The following PBX1 variants were observed in gnomAD, a reference collection of about 807,000 sequenced individuals.
PBX1 encodes the protein PBX homeobox 1, also known as pre-B-cell leukemia transcription factor 1.
A neutral mutation model predicts 53.4 loss-of-function variants in PBX1; 6 were observed. That is an observed-to-expected ratio of 0.11 (90% CI 0.06 to 0.22). PBX1 has a LOEUF of 0.22. Among genes scored for constraint, PBX1 ranks in the 10% least tolerant of loss-of-function variants. PBX1 has a pLI of 1.00. For synonymous variants in PBX1, 204 were observed against 212.3 expected, an observed-to-expected ratio of 0.96 and a Z score of 0.34; for missense variants, 251 against 551.4, an observed-to-expected ratio of 0.46 and a Z score of 5.46.
At chr1:164,646,001 A>ATC (rs1301422863) in intron 2 of PBX1, among the ~76,000 whole-genome samples, 2 of 152,294 alleles carry the variant, frequency 1.3e-5, no homozygotes, top group African/African-American at 2.4e-5. Flanking sequence ...CAGTTATCTC[A>ATC]TCTATAAGTG....
chr1:164,785,774 A>G (rs1008552190), intron 2 of PBX1, among the ~76,000 whole-genome samples: 2 of 152,136 alleles, frequency 1.3e-5, no homozygotes, highest in Admixed American at 1.3e-4. Context: ...GTTTGTGGAG[A>G]CAACCTCTAT....
intron 2 of PBX1, among the ~76,000 whole-genome samples, chr1:164,663,165 CCTTCCTTCCTGCCTTCCTTCCTGT>C (rs1660590420): frequency 1.4e-5 from 2 of 141,918 alleles, no homozygotes; most frequent in African/African-American, 2.5e-5. Flanking sequence ...TGCCTGCCTG[CCTTCCTTCCTGCCTTCCTTCCTGT>C]CTTCCTTCCT....
intron 2 of PBX1, chr1:164,684,838 A>T (rs993296899): frequency 2.0e-5 from 3 of 152,190 alleles, no homozygotes; most frequent in African/African-American, 7.2e-5. Flanking sequence ...ATATTTACAG[A>T]ATATAATCCT....
At chr1:164,615,803 G>T (rs1468920711) in intron 2 of PBX1, among the ~76,000 whole-genome samples, 1 of 152,178 alleles carries the variant, frequency 6.6e-6, no homozygotes, top group Non-Finnish European at 1.5e-5. Context: ...TGTCACAAGA[G>T]GGGAGGAGTG....
At chr1:164,574,980 A>C (rs1158754589) in intron 2 of PBX1, among the ~76,000 whole-genome samples, 1 of 152,140 alleles carries the variant, frequency 6.6e-6, no homozygotes, top group Non-Finnish European at 1.5e-5. Context: ...AGACTAAAAA[A>C]AAAAAAAATT....
At chr1:164,859,617 T>C (rs1672051943) in intron 2 of PBX1, among the ~76,000 whole-genome samples, 1 of 152,208 alleles carries the variant, frequency 6.6e-6, no homozygotes, top group African/African-American at 2.4e-5. Flanking sequence ...CTGAAAAGTT[T>C]GTGAGTCCTC....
chr1:164,722,571 A>T (rs559278901), intron 2 of PBX1, among the ~76,000 whole-genome samples: 1 of 152,202 alleles, frequency 6.6e-6, no homozygotes, highest in Non-Finnish European at 1.5e-5. Flanking sequence ...GGCTTTTTGT[A>T]TACAAAATGG....
chr1:164,867,181 A>G (rs1571544072), intron 2 of PBX1, among the ~76,000 whole-genome samples: 1 of 152,166 alleles, frequency 6.6e-6, no homozygotes, highest in Admixed American at 6.5e-5. Flanking sequence ...AAGTTATTCA[A>G]ACCTCTCTGA....
intron 2 of PBX1, chr1:164,769,768 C>T (rs1180172270): frequency 6.6e-6 from 1 of 152,192 alleles, no homozygotes; most frequent in Non-Finnish European, 1.5e-5. Context: ...CCCTCATGCC[C>T]TTACTCCATT....
intron 2 of PBX1, among the ~76,000 whole-genome samples, chr1:164,628,793 T>C (rs1477446307): frequency 6.6e-6 from 1 of 152,194 alleles, no homozygotes; most frequent in Non-Finnish European, 1.5e-5. Context: ...TAGTTTGGGT[T>C]GACCGCCTTA....
intron 2 of PBX1, among the ~76,000 whole-genome samples, chr1:164,614,913 A>G (rs1284579666): frequency 6.6e-6 from 1 of 152,134 alleles, no homozygotes; most frequent in Non-Finnish European, 1.5e-5. Context: ...AGCTGGGACT[A>G]CAGGAGCCTG....
intron 2 of PBX1, among the ~76,000 whole-genome samples, chr1:164,647,192 A>G (rs1471905276): frequency 2.0e-5 from 3 of 152,224 alleles, no homozygotes; most frequent in Admixed American, 6.5e-5. Flanking sequence ...TAAGATTTTC[A>G]TGGCACCTTC....
chr1:164,870,291 TTC>T (rs1353188761), intron 2 of PBX1, among the ~76,000 whole-genome samples: 28 of 36,710 alleles, frequency 7.6e-4, no homozygotes, highest in Admixed American at 6.3e-3. Flanking sequence ...CTTTCTTTCT[TTC>T]TTTCTTTCTT....
chr1:164,561,989 C>T (rs1653085162), intron 1 of PBX1, among the ~76,000 whole-genome samples: 1 of 151,610 alleles, frequency 6.6e-6, no homozygotes, highest in South Asian at 2.1e-4. Flanking sequence ...TTACTAAAAT[C>T]AACGCTAAGC....
At chr1:164,870,297 C>CTTTCTTTCTTTCTTTCTT in intron 2 of PBX1, among the ~76,000 whole-genome samples, 1 of 49,690 alleles carries the variant, frequency 2.0e-5, no homozygotes, top group Non-Finnish European at 3.9e-5. Context: ...TTCTTTCTTT[C>CTTTCTTTCTTTCTTTCTT]TTTCTTTCTT....
chr1:164,730,787 T>A (rs1469562844), intron 2 of PBX1, among the ~76,000 whole-genome samples: 1 of 152,226 alleles, frequency 6.6e-6, no homozygotes. Context: ...CTCTGTCCCC[T>A]TGGTGCTAAA....
intron 2 of PBX1, among the ~76,000 whole-genome samples, chr1:164,702,335 G>A (rs1056754306): frequency 6.6e-6 from 1 of 152,176 alleles, no homozygotes; most frequent in African/African-American, 2.4e-5. Flanking sequence ...ACATTCATGG[G>A]CATGGGCTCA....
At chr1:164,798,432 T>C (rs960413467) in intron 3 of PBX1, among the ~76,000 whole-genome samples, 1 of 152,254 alleles carries the variant, frequency 6.6e-6, no homozygotes, top group Non-Finnish European at 1.5e-5. Context: ...ATAGATGTTT[T>C]GTTGAATGCT....
chr1:164,758,279 CCTTTT>C (rs1666631185), intron 2 of PBX1, among the ~76,000 whole-genome samples: 1 of 152,164 alleles, frequency 6.6e-6, no homozygotes, highest in Non-Finnish European at 1.5e-5. Flanking sequence ...AGACAACCAC[CCTTTT>C]CTTTTCATTA....
Sources: gnomAD v4.1 joint callset for allele counts (sites outside exome capture counted in the v4.1 genomes callset) on GRCh38, gnomAD v4.1.1 for gene constraint, MANE v1.5 for transcripts, NCBI Gene and HGNC (gene_info 2026-07-23, HGNC 2026-07-21) for gene names.